Variants in GPHN observed in about 807,000 individuals in gnomAD.
The protein encoded by GPHN is gephyrin.
Under a neutral mutation model 95.5 loss-of-function variants are expected in GPHN, and 17 were observed. That is an observed-to-expected ratio of 0.18 (90% confidence interval 0.12 to 0.27). The LOEUF is 0.27. Ranked by LOEUF, GPHN falls within the 10% of genes least tolerant of loss-of-function variation. GPHN has a pLI of 1.00. For missense variants in GPHN, 660 were observed against 978.1 expected, an observed-to-expected ratio of 0.67 and a Z score of 4.34; for synonymous variants, 320 against 322.5, an observed-to-expected ratio of 0.99 and a Z score of 0.08.
At chr14:67,704,982 T>G in the GPHN span, among the ~76,000 whole-genome samples, 1 of 152,210 alleles carries the variant, frequency 6.6e-6, no homozygotes, top group Non-Finnish European at 1.5e-5. Context: ...GAAGCAGGTC[T>G]AGGTAGTCCA....
At chr14:67,317,757 C>T in the GPHN span, among the ~76,000 whole-genome samples, 3 of 152,300 alleles carry the variant, frequency 2.0e-5, no homozygotes, top group Admixed American at 6.5e-5. Flanking sequence ...CAAATTCTTA[C>T]AGAACATACT....
chr14:67,395,723 T>G, the GPHN span: 10 of 635,344 alleles, frequency 1.6e-5, no homozygotes, highest in Non-Finnish European at 8.3e-6. Context: ...TAGCAGGTAG[T>G]CTTTAAAGAT....
intron 9 of GPHN, among the ~76,000 whole-genome samples, chr14:66,989,868 A>G (rs1314683261): frequency 6.6e-6 from 1 of 152,152 alleles, no homozygotes; most frequent in Non-Finnish European, 1.5e-5. Context: ...ACTATATTAG[A>G]CAGGTTTTGT....
chr14:67,651,717 GA>G, the GPHN span: 1 of 367,288 alleles, frequency 2.7e-6, no homozygotes. Flanking sequence ...AATGGATTCT[GA>G]AATGTTGTTC....
At chr14:67,325,885 T>C in the GPHN span, among the ~76,000 whole-genome samples, 1 of 151,696 alleles carries the variant, frequency 6.6e-6, no homozygotes, top group African/African-American at 2.4e-5. Flanking sequence ...CTTGGCTCAC[T>C]GCAACCTCCG....
chr14:67,717,556 G>A, the GPHN span, among the ~76,000 whole-genome samples: 1 of 152,190 alleles, frequency 6.6e-6, no homozygotes, highest in Non-Finnish European at 1.5e-5. Context: ...ACATACACCA[G>A]GGTTATCCTT....
the GPHN span, among the ~76,000 whole-genome samples, chr14:67,707,898 A>G: frequency 6.7e-6 from 1 of 148,806 alleles, no homozygotes; most frequent in Non-Finnish European, 1.5e-5. Flanking sequence ...AGATAAAGGT[A>G]AGAGGCCAAT....
the GPHN span, chr14:67,392,560 G>A: frequency 7.9e-7 from 1 of 1,258,622 alleles, no homozygotes. Flanking sequence ...CGTCCCCCAA[G>A]CCCAAGGTCT....
At chr14:67,426,889 A>G in the GPHN span, among the ~76,000 whole-genome samples, 5 of 152,096 alleles carry the variant, frequency 3.3e-5, no homozygotes, top group East Asian at 9.7e-4. Context: ...GTCCAGTTTT[A>G]AGAGACAACG....
intron 4 of GPHN, among the ~76,000 whole-genome samples, chr14:66,845,841 G>GTGTGTGTGTGTC (rs1293945202): frequency 2.0e-5 from 3 of 151,544 alleles, no homozygotes; most frequent in African/African-American, 7.3e-5. Flanking sequence ...GTGTGTGTGT[G>GTGTGTGTGTGTC]TGTGTGTGTG....
chr14:66,871,336 T>A (rs1354838855), intron 4 of GPHN, among the ~76,000 whole-genome samples: 1 of 152,238 alleles, frequency 6.6e-6, no homozygotes, highest in African/African-American at 2.4e-5. Flanking sequence ...TACTTTGGGA[T>A]ATATCATCTT....
the GPHN span, among the ~76,000 whole-genome samples, chr14:67,732,331 G>A: frequency 6.6e-6 from 1 of 150,960 alleles, no homozygotes; most frequent in Non-Finnish European, 1.5e-5. Context: ...CCAGCTACTC[G>A]GGAGGCTAAG....
At chr14:66,784,903 T>G (rs2153465740) in intron 3 of GPHN, among the ~76,000 whole-genome samples, 1 of 152,308 alleles carries the variant, frequency 6.6e-6, no homozygotes, top group South Asian at 2.1e-4. Context: ...ATAAATAATC[T>G]AAATATGCCA....
chr14:66,878,034 C>G (rs1040576975), intron 4 of GPHN, among the ~76,000 whole-genome samples: 3 of 152,070 alleles, frequency 2.0e-5, no homozygotes, highest in Admixed American at 2.0e-4. Flanking sequence ...GATATATAGA[C>G]CAATGGAACA....
Position 66,627,851 on chromosome 14 carries a change from A to G in GPHN, c.65-53256A>G, listed in dbSNP as rs537576249. 8.4e-4 allele frequency among the ~76,000 whole-genome samples: 128 copies of G among 152,202 alleles called. 3 individuals are homozygous for G. The South Asian group carries it at 0.025, about 30-fold the overall frequency. ...TTTCACTAATAATGGTGTGCTTCTAATTACCTAGTCTGTTTTCCCATTAGT... is the reference window on the plus strand; with the variant it reads ...TTTCACTAATAATGGTGTGCTTCTAGTTACCTAGTCTGTTTTCCCATTAGT... On this transcript the variant is annotated intron_variant, in intron 1 of 22. Transcript: ENST00000478722.
At chr14:66,702,252 G>A (rs1243061515) in intron 2 of GPHN, among the ~76,000 whole-genome samples, 1 of 152,162 alleles carries the variant, frequency 6.6e-6, no homozygotes, top group African/African-American at 2.4e-5. Flanking sequence ...CAGACGAGTG[G>A]GTTTTCCCCC....
intron 4 of GPHN, among the ~76,000 whole-genome samples, chr14:66,876,947 A>AG (rs2063695160): frequency 6.6e-6 from 1 of 151,754 alleles, no homozygotes; most frequent in African/African-American, 2.4e-5. Flanking sequence ...AACAAAAAAA[A>AG]TTTCAGGCCA....
intron 5 of GPHN, among the ~76,000 whole-genome samples, chr14:66,902,004 C>T (rs2065148228): frequency 6.6e-6 from 1 of 151,950 alleles, no homozygotes; most frequent in African/African-American, 2.4e-5. Context: ...CTATCATGAG[C>T]ATAGAATATA....
At chr14:67,107,558 A>T (rs182940297) in intron 13 of GPHN, among the ~76,000 whole-genome samples, 4 of 152,306 alleles carry the variant, frequency 2.6e-5, no homozygotes, top group Admixed American at 2.0e-4. Context: ...GGAGCAGGGT[A>T]TGGCCGCAGC....
Sources: gnomAD v4.1 joint callset for allele counts (sites outside exome capture counted in the v4.1 genomes callset) on GRCh38, gnomAD v4.1.1 for gene constraint, MANE v1.5 for transcripts, NCBI Gene and HGNC (gene_info 2026-07-23, HGNC 2026-07-21) for gene names.